The following SORCS2 variants were observed in gnomAD, a reference collection of about 807,000 sequenced individuals.
SORCS2 encodes the protein VPS10 domain-containing receptor SorCS2.
Under a neutral mutation model 141.6 loss-of-function variants are expected in SORCS2, and 100 were observed. The ratio of observed to expected loss-of-function variants is 0.71; its 90% CI spans 0.60 to 0.83. The LOEUF (loss-of-function observed/expected upper bound fraction) is 0.83, where lower values mean the gene tolerates loss of function less well. Among genes scored for constraint, SORCS2 ranks in the 40% least tolerant of loss-of-function variants. SORCS2 has a pLI of 0.00. For synonymous variants in SORCS2, 789 were observed against 676.9 expected, an observed-to-expected ratio of 1.17 and a Z score of -2.57; for missense variants, 1,646 against 1,560.2, an observed-to-expected ratio of 1.05 and a Z score of -0.93.
In SORCS2 at chr4:7,728,367, C is replaced by G; in HGVS notation, c.2887C>G (p.Pro963Ala). The G allele has an allele frequency of 6.2e-7, 1 of 1,613,572 alleles. No individual in the cohort carries two copies. The highest frequency in any genetic ancestry group is 8.5e-7 in the Non-Finnish European group (1 of 1,179,694). Reference sequence around the variant, plus strand: ...CTTTCCAGATCAATTTCAAGTCATGCCTCTGCAGTTTTCCAAGGAGCTGGA... The same window carrying G: ...CTTTCCAGATCAATTTCAAGTCATGGCTCTGCAGTTTTCCAAGGAGCTGGA... ...LRVLDQFQVM[P>A]LQFSKELDAY... Residue 963 changes from proline (P) to alanine (A), a missense_variant, in exon 22 of 27, where the codon CCT becomes GCT. Physicochemically the swap from Pro to Ala is conservative, Grantham distance 27 (BLOSUM62 -1). Coordinates refer to ENST00000507866, the MANE Select transcript of SORCS2 (RefSeq NM_020777.3).
At chr4:7,641,578 C>A (rs1407301969) in intron 4 of SORCS2, among the ~76,000 whole-genome samples, 1 of 152,186 alleles carries the variant, frequency 6.6e-6, no homozygotes, top group East Asian at 1.9e-4. Flanking sequence ...ATTGTCTACA[C>A]CCAATACATG....
intron 4 of SORCS2, among the ~76,000 whole-genome samples, chr4:7,653,806 C>T (rs1229835873): frequency 1.3e-5 from 2 of 152,248 alleles, no homozygotes; most frequent in Non-Finnish European, 2.9e-5. Flanking sequence ...TCCTCCCAAA[C>T]GCCCTTCCTC....
In SORCS2 at chr4:7,740,518, C is replaced by T. The variant is rs1025615969; in HGVS notation, c.*254C>T. ...CCAGGCCTGACTCAGGCAGGTTCTG[C>T]CCCCCAGACCCCACACACGGCCGCC... On this transcript the variant is annotated 3_prime_UTR_variant, in exon 27 of 27. Transcript: ENST00000507866. 10 of 535,548 alleles carry T rather than the reference C, an allele frequency of 1.9e-5. No individual in the cohort carries two copies. The highest frequency in any genetic ancestry group is 3.1e-5 in the East Asian group (1 of 32,406). The allele number at this position is 535,548 out of a possible 1,614,324, so 33.2% of individuals were successfully genotyped here. A position where few individuals can be genotyped will look rare whatever the true frequency, so the allele number is the denominator to read the frequency against.
chr4:7,477,027 C>T (rs1435784250), intron 2 of SORCS2, among the ~76,000 whole-genome samples: 1 of 152,202 alleles, frequency 6.6e-6, no homozygotes, highest in East Asian at 1.9e-4. Context: ...CAGCTGCAGA[C>T]ACGGCCAGGT....
At chr4:7,279,238 A>C (rs1715705665) in intron 1 of SORCS2, among the ~76,000 whole-genome samples, 1 of 152,230 alleles carries the variant, frequency 6.6e-6, no homozygotes, top group East Asian at 1.9e-4. Flanking sequence ...AACAGTGTAA[A>C]AATAAAATCA....
intron 2 of SORCS2, among the ~76,000 whole-genome samples, chr4:7,468,444 AT>A (rs1033946195): frequency 6.6e-6 from 1 of 152,230 alleles, no homozygotes; most frequent in African/African-American, 2.4e-5. Flanking sequence ...GGGACTATCT[AT>A]TTGAGAAGAA....
chr4:7,425,423 G>A (rs1726361992), intron 2 of SORCS2, among the ~76,000 whole-genome samples: 1 of 152,230 alleles, frequency 6.6e-6, no homozygotes, highest in African/African-American at 2.4e-5. Context: ...TTTCCCCCGT[G>A]TCCTGGGAAT....
chr4:7,524,795 G>A (rs4689775), intron 2 of SORCS2, among the ~76,000 whole-genome samples: 19,197 of 147,830 alleles, frequency 0.13, 1,607 homozygotes, highest in South Asian at 0.24. Flanking sequence ...CCACCCCGCC[G>A]CCACTGCTTG....
chr4:7,471,255 G>A (rs967672828), intron 2 of SORCS2, among the ~76,000 whole-genome samples: 1 of 152,208 alleles, frequency 6.6e-6, no homozygotes, highest in Non-Finnish European at 1.5e-5. Context: ...CTCGCGCAAT[G>A]CCATCTTCAG....
rs755438309 is a variant in SORCS2 at position 7,192,976 on chromosome 4, C to T, written c.330C>T (p.Pro110=). Residue 110 remains proline (P), a synonymous_variant, in exon 1 of 27, where the codon CCC becomes CCT. Coordinates refer to ENST00000507866, the MANE Select transcript of SORCS2 (RefSeq NM_020777.3). The surrounding 1 kb of genome is among the most constrained non-coding windows in gnomAD (Gnocchi z 4.0). ...PAPGPGEDGA[P]AAGYRRWERA... is the part of the protein sequence containing the mutation. ...CTGGTCCCGGCGAGGACGGCGCCCC[C>T]GCCGCGGGCTACCGGCGCTGGGAGC... 1.1e-5 allele frequency: 15 copies of T among 1,392,478 alleles called. No individual in the cohort carries two copies. The East Asian group carries it at 3.7e-4, about 34-fold the overall frequency. The allele number at this position is 1,392,478 out of a possible 1,614,324, so 86.3% of individuals were successfully genotyped here. A position where few individuals can be genotyped will look rare whatever the true frequency, so the allele number is the denominator to read the frequency against.
At chr4:7,544,207 G>A (rs1445108885) in intron 3 of SORCS2, among the ~76,000 whole-genome samples, 1 of 152,122 alleles carries the variant, frequency 6.6e-6, no homozygotes, top group Admixed American at 6.5e-5. Context: ...ATCCACTCGT[G>A]CATTCATCAT....
intron 1 of SORCS2, among the ~76,000 whole-genome samples, chr4:7,314,385 G>A (rs772155421): frequency 2.4e-4 from 36 of 149,938 alleles, no homozygotes; most frequent in Non-Finnish European, 4.9e-4. Context: ...AGTTGCCCAG[G>A]CTGGAGTGCA....
intron 1 of SORCS2, among the ~76,000 whole-genome samples, chr4:7,342,587 G>A (rs1720426806): frequency 6.6e-6 from 1 of 151,920 alleles, no homozygotes; most frequent in South Asian, 2.1e-4. Context: ...GGGAGGTGGA[G>A]GCGAACCTTG....
intron 2 of SORCS2, among the ~76,000 whole-genome samples, chr4:7,419,195 T>A (rs1725884612): frequency 6.6e-6 from 1 of 152,114 alleles, no homozygotes. Context: ...CAGAGGTATT[T>A]GGTTTGGAGA....
intron 1 of SORCS2, among the ~76,000 whole-genome samples, chr4:7,252,014 A>G (rs1189742140): frequency 1.3e-5 from 2 of 152,082 alleles, no homozygotes; most frequent in Non-Finnish European, 2.9e-5. Context: ...CTCTAAACGT[A>G]TGGTGCCAGT....
intron 2 of SORCS2, among the ~76,000 whole-genome samples, chr4:7,498,900 C>T (rs180823004): frequency 6.6e-6 from 1 of 152,182 alleles, no homozygotes; most frequent in East Asian, 1.9e-4. Context: ...AGCAGGGGAA[C>T]ATGTCAAGCT....
chr4:7,486,085 C>G (rs904027678), intron 2 of SORCS2, among the ~76,000 whole-genome samples: 1 of 152,170 alleles, frequency 6.6e-6, no homozygotes, highest in Non-Finnish European at 1.5e-5. Context: ...ATGGCAACTC[C>G]AGACTGAAGC....
At chr4:7,596,439 T>G (rs1250843353) in intron 3 of SORCS2, among the ~76,000 whole-genome samples, 1 of 152,128 alleles carries the variant, frequency 6.6e-6, no homozygotes, top group Non-Finnish European at 1.5e-5. Flanking sequence ...GCCCTTCAGG[T>G]GCCAAGACTC....
At chr4:7,261,533 C>T (rs1714323580) in intron 1 of SORCS2, among the ~76,000 whole-genome samples, 1 of 152,240 alleles carries the variant, frequency 6.6e-6, no homozygotes, top group Non-Finnish European at 1.5e-5. Flanking sequence ...ATTTATGAAA[C>T]ATATGGATCC....
Sources: gnomAD v4.1 joint callset for allele counts (sites outside exome capture counted in the v4.1 genomes callset) on GRCh38, gnomAD v4.1.1 for gene constraint, Gnocchi (gnomAD v3.1) non-coding constraint, MANE v1.5 for transcripts, NCBI Gene and HGNC (gene_info 2026-07-23, HGNC 2026-07-21) for gene names.